EYS: variants seen among roughly 807,000 people sequenced by gnomAD.
EYS encodes the protein EGF-like photoreceptor maintenance factor.
A neutral mutation model predicts 282.1 loss-of-function variants in EYS; 250 were observed. The observed-to-expected ratio is 0.89, with a 90% CI of 0.80 to 0.98. EYS has a LOEUF of 0.98. EYS is among the 50% of genes least tolerant of loss of function. The pLI is 0.00. For missense variants in EYS, 4,016 were observed against 3,709.0 expected, an observed-to-expected ratio of 1.08 and a Z score of -2.15; for synonymous variants, 1,355 against 1,282.9, an observed-to-expected ratio of 1.06 and a Z score of -1.20.
intron 26 of EYS, among the ~76,000 whole-genome samples, chr6:64,446,988 G>A (rs6920503): frequency 1.2e-5 from 1 of 81,480 alleles, no homozygotes; most frequent in Non-Finnish European, 3.0e-5. Flanking sequence ...TGTGTGTGTG[G>A]GGGGGGGGTG....
At chr6:64,256,460 G>T (rs188204112) in intron 30 of EYS, among the ~76,000 whole-genome samples, 2 of 152,124 alleles carry the variant, frequency 1.3e-5, no homozygotes, top group Middle Eastern at 3.4e-3. Context: ...CACTTATACT[G>T]AAGAGGTAGT....
At chr6:64,556,872 G>A (rs1187939382) in intron 26 of EYS, among the ~76,000 whole-genome samples, 1 of 151,918 alleles carries the variant, frequency 6.6e-6, no homozygotes, top group East Asian at 1.9e-4. Flanking sequence ...AATCACTGTA[G>A]TAAAATAGCA....
At position 65,377,874 on chromosome 6, in the gene EYS, T is replaced by C. The variant is rs1765437616; in HGVS notation, c.1299+6512A>G. 2.0e-5 allele frequency among the ~76,000 whole-genome samples: 3 copies of C among 152,092 alleles called. No individual in the cohort carries two copies. The South Asian group carries it at 6.2e-4, about 32-fold the overall frequency. ...AACCACGAAGAAGTCAAATCGTGAA[T>C]AGACCAATAAAAAGTTCTGAAATTG... is the stretch of plus-strand genomic sequence containing the variant. On this transcript the variant is annotated intron_variant, in intron 8 of 42. Coordinates refer to ENST00000503581, the MANE Select transcript of EYS (RefSeq NM_001142800.2).
intron 35 of EYS, among the ~76,000 whole-genome samples, chr6:63,958,014 G>A (rs537345199): frequency 7.1e-6 from 1 of 140,334 alleles, no homozygotes; most frequent in East Asian, 2.0e-4. Context: ...CCTCTTTCTT[G>A]TTTCTCCTTA....
chr6:65,663,646 T>A (rs975547792), intron 1 of EYS, among the ~76,000 whole-genome samples: 1 of 152,146 alleles, frequency 6.6e-6, no homozygotes, highest in Non-Finnish European at 1.5e-5. Context: ...GTTAAACTTA[T>A]GTAGATACAT....
At chr6:65,628,446 A>G (rs1340906529) in intron 2 of EYS, among the ~76,000 whole-genome samples, 2 of 152,236 alleles carry the variant, frequency 1.3e-5, no homozygotes, top group Non-Finnish European at 2.9e-5. Flanking sequence ...TGCCCAAGCC[A>G]GCAATGGCAA....
At chr6:64,186,134 T>C (rs1394615137) in intron 31 of EYS, among the ~76,000 whole-genome samples, 2 of 151,954 alleles carry the variant, frequency 1.3e-5, no homozygotes, top group Non-Finnish European at 2.9e-5. Context: ...ACTCCTCAGG[T>C]CCCACCAAAG....
At chr6:64,882,936 T>C (rs79711938) in intron 19 of EYS, among the ~76,000 whole-genome samples, 2,600 of 151,472 alleles carry the variant, frequency 0.017, 74 homozygotes, top group African/African-American at 0.06. Context: ...ATGGGTGATA[T>C]AGAAGAAAAT....
At chr6:65,412,322 G>A (rs1419888289) in intron 5 of EYS, among the ~76,000 whole-genome samples, 1 of 152,090 alleles carries the variant, frequency 6.6e-6, no homozygotes, top group East Asian at 1.9e-4. Flanking sequence ...TTAATATATA[G>A]GCTTCAGTGT....
At chr6:64,178,103 C>T (rs538450564) in intron 31 of EYS, among the ~76,000 whole-genome samples, 3 of 151,912 alleles carry the variant, frequency 2.0e-5, no homozygotes, top group African/African-American at 7.3e-5. Context: ...ATGAAAGAAG[C>T]GATACAGGTT....
At chr6:64,172,193 C>T (rs986016614) in intron 31 of EYS, among the ~76,000 whole-genome samples, 2 of 151,900 alleles carry the variant, frequency 1.3e-5, no homozygotes, top group Non-Finnish European at 2.9e-5. Context: ...AAGTATTGTA[C>T]CTTACTTTCT....
intron 28 of EYS, among the ~76,000 whole-genome samples, chr6:64,412,050 C>G (rs1263512808): frequency 8.5e-6 from 1 of 117,174 alleles, no homozygotes; most frequent in South Asian, 2.8e-4. Flanking sequence ...CCAAATATAG[C>G]CTAGAAATTT....
intron 12 of EYS, among the ~76,000 whole-genome samples, chr6:65,134,594 G>C (rs903571854): frequency 6.6e-6 from 1 of 151,966 alleles, no homozygotes; most frequent in Non-Finnish European, 1.5e-5. Flanking sequence ...AGACACTACA[G>C]CCTCCTTGAG....
chr6:64,870,481 C>G (rs1358620088), intron 19 of EYS, among the ~76,000 whole-genome samples: 1 of 133,344 alleles, frequency 7.5e-6, no homozygotes, highest in Non-Finnish European at 1.6e-5. Flanking sequence ...TGCAGATTTA[C>G]AACATTATAA....
chr6:65,209,431 C>T (rs1034688619), intron 12 of EYS, among the ~76,000 whole-genome samples: 5 of 151,664 alleles, frequency 3.3e-5, no homozygotes, highest in Non-Finnish European at 5.9e-5. Context: ...TTTTATCCCC[C>T]ACTTAATGAT....
intron 2 of EYS, among the ~76,000 whole-genome samples, chr6:65,540,545 T>C (rs1768126311): frequency 6.6e-6 from 1 of 152,202 alleles, no homozygotes; most frequent in Non-Finnish European, 1.5e-5. Context: ...ATTCTTAGCA[T>C]ACTTTTAAAT....
intron 18 of EYS, 53 bp downstream of exon 18, chr6:64,902,060 C>A (rs200823065): frequency 3.6e-6 from 3 of 828,630 alleles, no homozygotes; most frequent in Non-Finnish European, 3.4e-6. Flanking sequence ...TGCTCACTTT[C>A]TTGTTGAATT....
rs768771302 is a variant in EYS, at chr6:64,886,760, C to T, written c.2929G>A (p.Asp977Asn). The change falls in exon 19 of 43, where the codon GAT becomes AAT. Residue 977 changes from aspartate (D) to asparagine (N), a missense_variant. Asp to Asn is a conservative substitution (Grantham distance 23). Transcript: ENST00000503581. The part of the protein sequence containing the change: ...VNKCKISPCL[D>N]EENCVYRTDG... ...GTCCTGTAGACACAATTTTCTTCAT[C>T]TAGACAAGGTGAGATTTTACATTTA... The T allele has an allele frequency of 4.5e-6, 7 of 1,547,764 alleles. No individual in the cohort carries two copies. Among genetic ancestry groups the T allele is most frequent in the Non-Finnish European group, 6.1e-6 (7 of 1,144,790 alleles).
At chr6:65,021,064 T>C (rs1018955432) in intron 13 of EYS, among the ~76,000 whole-genome samples, 3 of 152,328 alleles carry the variant, frequency 2.0e-5, no homozygotes, top group African/African-American at 7.2e-5. Context: ...GGGGCTGCCA[T>C]GAAGGCCTCT....
Sources: allele counts gnomAD v4.1 joint callset (sites outside exome capture counted in the v4.1 genomes callset), GRCh38; gene constraint gnomAD v4.1.1; transcripts MANE v1.5; gene names NCBI Gene and HGNC (gene_info 2026-07-23, HGNC 2026-07-21).